MYO1D: variants seen among roughly 807,000 people sequenced by gnomAD.
MYO1D encodes myosin ID.
In MYO1D, 83 loss-of-function variants were observed where a neutral mutation model predicts 122.0. That is an observed-to-expected ratio of 0.68 (90% CI 0.57 to 0.82). MYO1D has a LOEUF of 0.82. MYO1D is among the 40% of genes least tolerant of loss of function. The pLI is 0.00. For synonymous variants in MYO1D, 464 were observed against 446.9 expected (o/e 1.04, Z -0.48); for missense variants, 1,157 against 1,269.5 (o/e 0.91, Z 1.35).
In MYO1D at chr17:32,588,917, T is replaced by G. The variant is rs1006647835; in HGVS notation, c.2864+16170A>C. Among the ~76,000 whole-genome samples, 8 of 151,928 alleles carry G rather than the reference T, an allele frequency of 5.3e-5. No individual in the cohort carries two copies. The South Asian group carries it at 6.2e-4, about 12-fold the overall frequency. On this transcript the variant is annotated intron_variant, in intron 21 of 21. Coordinates refer to ENST00000318217, the MANE Select transcript of MYO1D (RefSeq NM_015194.3). ...GAGATCCCACCACTGCACTCCAGTCTGGGTGACAGAGCAAAATTTTGCCTC... is the reference window on the plus strand; with the variant it reads ...GAGATCCCACCACTGCACTCCAGTCGGGGTGACAGAGCAAAATTTTGCCTC...
intron 14 of MYO1D, among the ~76,000 whole-genome samples, chr17:32,726,222 C>G (rs938797056): frequency 6.6e-6 from 1 of 152,022 alleles, no homozygotes; most frequent in African/African-American, 2.4e-5. Flanking sequence ...GGTTTGAGAC[C>G]AGCCTGGCCA....
chr17:32,575,166 G>A (rs1327544895), intron 21 of MYO1D, among the ~76,000 whole-genome samples: 2 of 152,162 alleles, frequency 1.3e-5, no homozygotes, highest in East Asian at 3.8e-4. Context: ...ATAATACTAA[G>A]CATGATAAAA....
At chr17:32,565,581 C>G (rs1052683262) in intron 21 of MYO1D, among the ~76,000 whole-genome samples, 1 of 152,200 alleles carries the variant, frequency 6.6e-6, no homozygotes, top group Non-Finnish European at 1.5e-5. Flanking sequence ...GCTAAGTAGG[C>G]TGCTGTGAAT....
At chr17:32,580,867 A>G (rs922848200) in intron 21 of MYO1D, among the ~76,000 whole-genome samples, 15 of 152,224 alleles carry the variant, frequency 9.9e-5, no homozygotes, top group Non-Finnish European at 2.9e-5. Flanking sequence ...AATATTGCTT[A>G]TAATTCCTAA....
At chr17:32,615,324 C>T (rs554820192) in intron 20 of MYO1D, among the ~76,000 whole-genome samples, 220 of 152,224 alleles carry the variant, frequency 1.4e-3, no homozygotes, top group Non-Finnish European at 2.4e-3. Context: ...CAGAGGAAAG[C>T]GGACCTTTGT....
chr17:32,799,585 A>C (rs2090444318), intron 1 of MYO1D, among the ~76,000 whole-genome samples: 1 of 152,172 alleles, frequency 6.6e-6, no homozygotes, highest in Non-Finnish European at 1.5e-5. Context: ...AAGCTACTAG[A>C]AGAAAACATG....
chr17:32,585,068 A>G (rs2087374371), intron 21 of MYO1D, among the ~76,000 whole-genome samples: 1 of 152,202 alleles, frequency 6.6e-6, no homozygotes, highest in Non-Finnish European at 1.5e-5. Flanking sequence ...TGATGGCATA[A>G]TTTAGCTAGG....
intron 20 of MYO1D, among the ~76,000 whole-genome samples, chr17:32,623,566 A>T (rs1302074878): frequency 6.6e-6 from 1 of 152,230 alleles, no homozygotes; most frequent in African/African-American, 2.4e-5. Flanking sequence ...TCTTTTGATG[A>T]GACTGTCCTC....
At chr17:32,654,674 TTCTC>T (rs1238393980) in intron 17 of MYO1D, 53 bp from the exon 18 acceptor site, 19 of 1,473,498 alleles carry the variant, frequency 1.3e-5, no homozygotes, top group South Asian at 6.9e-5. Context: ...ATCCCATGCA[TTCTC>T]TCTCTCTTTT....
At chr17:32,526,028 T>G (rs548068610) in intron 21 of MYO1D, among the ~76,000 whole-genome samples, 1 of 152,324 alleles carries the variant, frequency 6.6e-6, no homozygotes, top group Admixed American at 6.5e-5. Context: ...CAGATCAACT[T>G]CTATTTGTCA....
intron 1 of MYO1D, among the ~76,000 whole-genome samples, chr17:32,869,902 C>T (rs2091164223): frequency 6.6e-6 from 1 of 151,952 alleles, no homozygotes; most frequent in Admixed American, 6.6e-5. Context: ...CATTGCACTC[C>T]AGCCTGGGTG....
At chr17:32,871,661 T>A (rs918511616) in intron 1 of MYO1D, among the ~76,000 whole-genome samples, 1 of 152,232 alleles carries the variant, frequency 6.6e-6, no homozygotes, top group Non-Finnish European at 1.5e-5. Flanking sequence ...CATTGTCCTA[T>A]AAAATGGAAA....
chr17:32,780,333 A>G (rs1479808217), intron 2 of MYO1D, among the ~76,000 whole-genome samples: 1 of 152,168 alleles, frequency 6.6e-6, no homozygotes, highest in Non-Finnish European at 1.5e-5. Flanking sequence ...TGTCAGCTCA[A>G]TCTAACAAAT....
chr17:32,796,322 T>C (rs2090416759), intron 1 of MYO1D, among the ~76,000 whole-genome samples: 1 of 152,234 alleles, frequency 6.6e-6, no homozygotes, highest in Non-Finnish European at 1.5e-5. Context: ...GGACCTGATG[T>C]AGAAAACTCT....
intron 21 of MYO1D, among the ~76,000 whole-genome samples, chr17:32,600,089 G>A (rs1567904210): frequency 1.3e-5 from 2 of 152,214 alleles, no homozygotes; most frequent in Admixed American, 6.5e-5. Context: ...AGTGCTCTTG[G>A]ATAACTAGAT....
At position 32,534,084 on chromosome 17, in the gene MYO1D, A is replaced by T. The variant is rs150363757; in HGVS notation, c.2865-39169T>A. ...CACGGCAAAATTATAGCTGACTTAA[A>T]TTTTTTCTTTATAAAGTAATTTTTT... On this transcript the variant is annotated intron_variant, in intron 21 of 21. Coordinates refer to ENST00000318217, the MANE Select transcript of MYO1D (RefSeq NM_015194.3). Among the ~76,000 whole-genome samples the T allele has an allele frequency of 4.3e-3, 649 of 152,246 alleles. 8 individuals are homozygous for T. The highest frequency in any genetic ancestry group is 0.014 in the African/African-American group (564 of 41,528).
At chr17:32,782,920 G>A (rs2090255119) in intron 1 of MYO1D, among the ~76,000 whole-genome samples, 1 of 138,230 alleles carries the variant, frequency 7.2e-6, no homozygotes, top group South Asian at 2.2e-4. Flanking sequence ...GGGCAGCAGA[G>A]TGAGACTCCA....
At position 32,688,113 on chromosome 17, in the gene MYO1D, G is replaced by C. The variant is rs148732128; in HGVS notation, c.2121+23875C>G. Among the ~76,000 whole-genome samples the C allele has an allele frequency of 1.4e-4, 22 of 152,258 alleles. No individual in the cohort carries two copies. The East Asian group carries it at 4.2e-3, about 29-fold the overall frequency. ...CCCCGCCTCTTCCATAGCATAGCTTGGGAGGAACATTCATATGCGCAACAC... is the reference window on the plus strand; with the variant it reads ...CCCCGCCTCTTCCATAGCATAGCTTCGGAGGAACATTCATATGCGCAACAC... On this transcript the variant is annotated intron_variant, in intron 16 of 21. Transcript: ENST00000318217.
chr17:32,809,132 G>GCT (rs2090546679), intron 1 of MYO1D, among the ~76,000 whole-genome samples: 1 of 97,728 alleles, frequency 1.0e-5, no homozygotes, highest in Non-Finnish European at 2.1e-5. Context: ...TTTTGTTTTT[G>GCT]ATAAAAAAAA....
Sources: gnomAD v4.1 joint callset for allele counts (sites outside exome capture counted in the v4.1 genomes callset) on GRCh38, gnomAD v4.1.1 for gene constraint, MANE v1.5 for transcripts, NCBI Gene and HGNC (gene_info 2026-07-23, HGNC 2026-07-21) for gene names.